The following SAMSN1 variants were observed in gnomAD, a reference collection of about 807,000 sequenced individuals.
SAMSN1 encodes SAM domain, SH3 domain and nuclear localization signals 1, also known as SAM domain-containing protein SAMSN-1.
A neutral mutation model predicts 42.0 loss-of-function variants in SAMSN1; 31 were observed. The observed-to-expected ratio is 0.74, with a 90% confidence interval of 0.55 to 1.00. The LOEUF (loss-of-function observed/expected upper bound fraction) is 1.00. Ranked by LOEUF, SAMSN1 falls within the 50% of genes least tolerant of loss-of-function variation. The probability of loss-of-function intolerance (pLI) is 0.00; values close to 1 mark genes in which losing one functional copy is unlikely to be tolerated. For missense variants in SAMSN1, 464 were observed against 439.4 expected, an observed-to-expected ratio of 1.06 and a Z score of -0.50; for synonymous variants, 178 against 151.9, an observed-to-expected ratio of 1.17 and a Z score of -1.26.
intron 2 of SAMSN1, among the ~76,000 whole-genome samples, chr21:14,517,660 A>G (rs1371737104): frequency 6.6e-6 from 1 of 152,194 alleles, no homozygotes; most frequent in African/African-American, 2.4e-5. Context: ...CATGTAATTC[A>G]CATGCTATAT....
intron 2 of SAMSN1, among the ~76,000 whole-genome samples, chr21:14,622,246 C>G (rs911960564): frequency 2.0e-5 from 3 of 152,204 alleles, no homozygotes; most frequent in Non-Finnish European, 4.4e-5. Flanking sequence ...CAGCTCCTCG[C>G]CAGCAATGGA....
At position 14,594,256 on chromosome 21, in the gene SAMSN1, T is replaced by G. The variant is rs566906073; in HGVS notation, c.400-178A>C. ...TGTTTCATCAGTGACTTCATCTGCA[T>G]ATATACACATATATAGACAAATATG... On this transcript the variant is annotated intron_variant, in intron 6 of 15. Transcript: ENST00000647101. 3.0e-3 allele frequency among the ~76,000 whole-genome samples: 450 copies of G among 152,302 alleles called. 1 individual carries two copies. The highest frequency in any genetic ancestry group is 8.1e-3 in the Admixed American group (123 of 15,278).
chr21:14,556,049 T>C (rs62227199), intron 2 of SAMSN1, among the ~76,000 whole-genome samples: 35,684 of 152,096 alleles, frequency 0.23, 4,943 homozygotes, highest in East Asian at 0.5. Context: ...AAAATGCAAT[T>C]AGTAGAATTT....
chr21:14,568,509 C>T (rs1030708470), intron 2 of SAMSN1, among the ~76,000 whole-genome samples: 11 of 152,148 alleles, frequency 7.2e-5, no homozygotes, highest in African/African-American at 2.7e-4. Flanking sequence ...AGGTCTTCCC[C>T]CCAGTGATGG....
At chr21:14,598,189 C>A (rs551725667) in intron 6 of SAMSN1, 5 of 152,086 alleles carry the variant, frequency 3.3e-5, no homozygotes, top group Non-Finnish European at 1.5e-5. Context: ...ATCACCAGCA[C>A]TGAAGGTAAT....
intron 5 of SAMSN1, among the ~76,000 whole-genome samples, chr21:14,506,963 T>C (rs1408255994): frequency 6.6e-6 from 1 of 152,210 alleles, no homozygotes; most frequent in East Asian, 1.9e-4. Context: ...TCTCAATAGA[T>C]GCAGAAAAAG....
chr21:14,552,849 A>T (rs1980644184), intron 2 of SAMSN1, among the ~76,000 whole-genome samples: 1 of 152,092 alleles, frequency 6.6e-6, no homozygotes, highest in South Asian at 2.1e-4. Flanking sequence ...TGCTTGCCTC[A>T]ATATCAAATC....
rs1340345676 is a variant in SAMSN1 at position 14,485,916 on chromosome 21, T to C, written c.1118A>G (p.Asp373Gly). Reference sequence around the variant, plus strand: ...TATATAGTTGGGAATGCGTGTTCAGTCACTTGGCTCTGTGATAATAATCTT... The same window carrying C: ...TATATAGTTGGGAATGCGTGTTCAGCCACTTGGCTCTGTGATAATAATCTT... ...VHKIIITEPS[D>G] Residue 373 changes from aspartate to glycine, a missense_variant, in exon 8 of 8, where the codon GAC becomes GGC. Coordinates refer to ENST00000400566, the MANE Select transcript of SAMSN1 (RefSeq NM_022136.5). 1.9e-6 allele frequency: 3 copies of C among 1,612,756 alleles called. No homozygotes were observed. Among genetic ancestry groups the C allele is most frequent in the Non-Finnish European group, 2.5e-6 (3 of 1,179,048 alleles).
At chr21:14,570,135 T>G (rs1981253371) in intron 2 of SAMSN1, among the ~76,000 whole-genome samples, 1 of 152,170 alleles carries the variant, frequency 6.6e-6, no homozygotes, top group South Asian at 2.1e-4. Flanking sequence ...CAGGTACCTC[T>G]GATTTCTTGC....
chr21:14,564,948 G>C (rs1012812798), intron 2 of SAMSN1, among the ~76,000 whole-genome samples: 1 of 152,108 alleles, frequency 6.6e-6, no homozygotes, highest in Non-Finnish European at 1.5e-5. Context: ...AAATTGAGCA[G>C]AGGGGCAACA....
intron 6 of SAMSN1, among the ~76,000 whole-genome samples, chr21:14,599,516 A>G (rs1982372637): frequency 6.6e-6 from 1 of 152,182 alleles, no homozygotes; most frequent in African/African-American, 2.4e-5. Context: ...ATTTCTTCAT[A>G]ACATTGTGAG....
At chr21:14,649,794 C>CACAT (rs946280994) in intron 1 of SAMSN1, among the ~76,000 whole-genome samples, 1 of 151,556 alleles carries the variant, frequency 6.6e-6, no homozygotes, top group Non-Finnish European at 1.5e-5. Context: ...CACACACACA[C>CACAT]ACACACACAC....
intron 1 of SAMSN1, among the ~76,000 whole-genome samples, chr21:14,533,185 G>A (rs1979378633): frequency 6.6e-6 from 1 of 151,966 alleles, no homozygotes; most frequent in African/African-American, 2.4e-5. Flanking sequence ...CCAAAGCATT[G>A]GGATTACAGG....
At chr21:14,507,531 T>G (rs1357174274) in intron 5 of SAMSN1, among the ~76,000 whole-genome samples, 1 of 152,238 alleles carries the variant, frequency 6.6e-6, no homozygotes, top group Non-Finnish European at 1.5e-5. Context: ...TACAAAGCAC[T>G]GCTGAAAGAA....
chr21:14,651,049 T>C (rs1371677714), intron 1 of SAMSN1, among the ~76,000 whole-genome samples: 1 of 151,800 alleles, frequency 6.6e-6, no homozygotes, highest in East Asian at 1.9e-4. Flanking sequence ...AATCTCCCAC[T>C]AAAGAAAAGC....
intron 1 of SAMSN1, among the ~76,000 whole-genome samples, chr21:14,531,987 GT>G (rs909999479): frequency 1.3e-5 from 2 of 151,330 alleles, no homozygotes; most frequent in African/African-American, 2.4e-5. Flanking sequence ...TTCTCAAAAA[GT>G]TTTTTTTTGA....
intron 6 of SAMSN1, among the ~76,000 whole-genome samples, chr21:14,597,326 T>A (rs1463721347): frequency 3.3e-5 from 5 of 152,132 alleles, no homozygotes; most frequent in Non-Finnish European, 7.4e-5. Context: ...TCTACACGCA[T>A]CTCCCAAAAA....
intron 5 of SAMSN1, among the ~76,000 whole-genome samples, chr21:14,605,083 C>T (rs140259262): frequency 3.9e-5 from 6 of 152,298 alleles, no homozygotes; most frequent in East Asian, 3.9e-4. Flanking sequence ...ATTACAAGTG[C>T]CCTTCAAATA....
intron 5 of SAMSN1, among the ~76,000 whole-genome samples, chr21:14,605,734 C>A (rs1000644613): frequency 6.6e-6 from 1 of 151,834 alleles, no homozygotes; most frequent in Non-Finnish European, 1.5e-5. Context: ...GAGTAGAAGG[C>A]CTTAAGAACA....
Sources: gnomAD v4.1 joint callset for allele counts (sites outside exome capture counted in the v4.1 genomes callset) on GRCh38, gnomAD v4.1.1 for gene constraint, MANE v1.5 for transcripts, NCBI Gene and HGNC (gene_info 2026-07-23, HGNC 2026-07-21) for gene names.